Variants in MYZAP observed in about 807,000 individuals in gnomAD.
MYZAP encodes the protein myocardial zonula adherens protein.
A neutral mutation model predicts 69.4 loss-of-function variants in MYZAP; 66 were observed. The ratio of observed to expected loss-of-function variants is 0.95; its 90% confidence interval spans 0.78 to 1.17. The LOEUF (loss-of-function observed/expected upper bound fraction) is 1.17, where lower values mean the gene tolerates loss of function less well. Among genes scored for constraint, MYZAP ranks in the 50% most tolerant of loss-of-function variants. The probability of loss-of-function intolerance (pLI) is 0.00; values close to 1 mark genes in which losing one functional copy is unlikely to be tolerated. For synonymous variants in MYZAP, 256 were observed against 205.9 expected (o/e 1.24, Z -2.09); for missense variants, 611 against 556.2 (o/e 1.10, Z -0.99).
chr15:57,641,351 G>A (rs1308416604), intron 10 of MYZAP, among the ~76,000 whole-genome samples: 4 of 152,036 alleles, frequency 2.6e-5, no homozygotes, highest in East Asian at 1.9e-4. Flanking sequence ...AGAGAGTGAA[G>A]GAGTACACAT....
At chr15:57,649,218 T>C (rs28482081) in intron 10 of MYZAP, among the ~76,000 whole-genome samples, 12,026 of 152,218 alleles carry the variant, frequency 0.079, 1,270 homozygotes, top group African/African-American at 0.24. Flanking sequence ...CTAGGAAGTA[T>C]ACGTAAAGGA....
intron 1 of MYZAP, chr15:57,599,327 G>C (rs1411804906): frequency 2.5e-6 from 1 of 392,764 alleles, no homozygotes; most frequent in Non-Finnish European, 3.6e-6. Context: ...TATATTTCTA[G>C]ATTATGTACT....
At chr15:57,599,180 G>C (rs1054938732) in intron 1 of MYZAP, among the ~76,000 whole-genome samples, 21 of 152,120 alleles carry the variant, frequency 1.4e-4, no homozygotes, top group Non-Finnish European at 2.4e-4. Flanking sequence ...CTTTCCAAAG[G>C]TCTCAAAGCT....
chr15:57,614,455 G>T (rs79865155), intron 2 of MYZAP, among the ~76,000 whole-genome samples: 1 of 152,208 alleles, frequency 6.6e-6, no homozygotes, highest in Non-Finnish European at 1.5e-5. Context: ...AAGACCTCAG[G>T]GGTCTGAAGG....
In MYZAP at chr15:57,674,984, G is replaced by A; in HGVS notation, c.1220G>A (p.Ser407Asn). ...CATCTCCAGAATAATGAACTACAAA[G>A]CAGGTTGGACTATTTAACAGAAACC... ...FLEGENNELQ[S>N]RLDYLTETQA... is the part of the protein sequence containing the mutation. Residue 407 changes from serine (S) to asparagine (N), a missense_variant, in exon 12 of 13, where the codon AGC becomes AAC. By Grantham distance (46) the Ser-to-Asn change is conservative (BLOSUM62 1). Transcript: ENST00000267853. The A allele has an allele frequency of 1.2e-6, 2 of 1,613,230 alleles. No individual in the cohort carries two copies. The highest frequency in any genetic ancestry group is 2.2e-5 in the East Asian group (1 of 44,830).
chr15:57,599,782 T>A, intron 1 of MYZAP: 2 of 1,040,358 alleles, frequency 1.9e-6, no homozygotes, highest in East Asian at 5.9e-5. Flanking sequence ...TGGAGGGAGG[T>A]AGACTGTACT....
intron 12 of MYZAP, among the ~76,000 whole-genome samples, chr15:57,680,967 G>A (rs1487250183): frequency 6.6e-6 from 1 of 152,166 alleles, no homozygotes; most frequent in Admixed American, 6.5e-5. Context: ...CAAATGGTTG[G>A]GTTTCAGTTT....
At chr15:57,614,119 G>A (rs1183826708) in intron 2 of MYZAP, among the ~76,000 whole-genome samples, 1 of 152,186 alleles carries the variant, frequency 6.6e-6, no homozygotes, top group Non-Finnish European at 1.5e-5. Flanking sequence ...AACATTAACT[G>A]TCTGTTCCTC....
chr15:57,622,920 A>G (rs2035904856), intron 4 of MYZAP, among the ~76,000 whole-genome samples: 1 of 152,224 alleles, frequency 6.6e-6, no homozygotes, highest in Non-Finnish European at 1.5e-5. Flanking sequence ...ACCGGGAAAA[A>G]TTATTTGTCC....
chr15:57,612,211 G>C (rs2035149946), intron 2 of MYZAP, among the ~76,000 whole-genome samples: 1 of 152,168 alleles, frequency 6.6e-6, no homozygotes, highest in Non-Finnish European at 1.5e-5. Flanking sequence ...GAAGTAAGAA[G>C]TTTTGGAAAT....
Position 57,615,522 on chromosome 15 carries a change from A to G in MYZAP, c.163-2511A>G, listed in dbSNP as rs1276138111. 3.9e-5 allele frequency among the ~76,000 whole-genome samples: 6 copies of G among 152,066 alleles called. No homozygotes were observed. The East Asian group carries it at 9.6e-4, about 24-fold the overall frequency. On this transcript the variant is annotated intron_variant, in intron 2 of 12. Coordinates refer to ENST00000267853, the MANE Select transcript of MYZAP (RefSeq NM_001018100.5). ...CCTGAGTTTTCCTGCAAGCCAGTCC[A>G]CCTCTGAAAGCCTTTGCTTTGCAGA...
At chr15:57,629,567 T>A in intron 5 of MYZAP, 135 bp from the exon 6 acceptor site, 1 of 1,233,404 alleles carries the variant, frequency 8.1e-7, no homozygotes. Context: ...CAGCACAGGG[T>A]CCCAGACTGG....
chr15:57,679,693 G>C (rs1324982571), intron 12 of MYZAP, among the ~76,000 whole-genome samples: 2 of 152,078 alleles, frequency 1.3e-5, no homozygotes, highest in African/African-American at 4.8e-5. Flanking sequence ...ACCCTCCCAT[G>C]GTAGTCCACA....
chr15:57,629,765 C>T lies in MYZAP; in HGVS notation c.589C>T (p.Gln197Ter), dbSNP rs1344890356. 6.2e-7 allele frequency: 1 copy of T among 1,613,950 alleles called. No individual in the cohort carries two copies. Among genetic ancestry groups the T allele is most frequent in the Non-Finnish European group, 8.5e-7 (1 of 1,179,960 alleles). Residue 197 changes from glutamine (Q) to a stop codon, truncating the protein, a stop_gained, in exon 6 of 13, where the codon CAG becomes TAG. Transcript: ENST00000267853. LOFTEE classifies it high-confidence loss of function. ...TAAGGATCAAATCAGAAATCTGCAG[C>T]AGACGTATGAAGCATCCATGGACAA... ...NIKDQIRNLQ[Q>*]TYEASMDKLR...
rs141182307 is a variant in MYZAP at position 57,639,645 on chromosome 15, C to T, written c.1119+100C>T. Reference sequence around the variant, plus strand: ...TTGCCCCTCCATTTCCTGTGGCTCACAAGCCGAGGTGCTCAGGCCACTGCC... The same window carrying T: ...TTGCCCCTCCATTTCCTGTGGCTCATAAGCCGAGGTGCTCAGGCCACTGCC... On this transcript the variant is annotated intron_variant, in intron 10 of 12. Transcript: ENST00000267853. 1.5e-3 allele frequency: 2,116 copies of T among 1,368,546 alleles called. 31 individuals carry two copies. In the African/African-American group the frequency reaches 0.027, roughly 18 times the overall value. 84.8% of individuals were successfully genotyped at this position (1,368,546 alleles called of 1,614,324 possible).
At chr15:57,645,998 A>G (rs2037426084) in intron 10 of MYZAP, 1 of 380,120 alleles carries the variant, frequency 2.6e-6, no homozygotes, top group Non-Finnish European at 5.0e-6. Context: ...CAACACACGA[A>G]AGTACATTTT....
chr15:57,650,359 T>A (rs2037668065), intron 10 of MYZAP, among the ~76,000 whole-genome samples: 1 of 152,158 alleles, frequency 6.6e-6, no homozygotes, highest in Admixed American at 6.6e-5. Flanking sequence ...AAGAAGAGCC[T>A]CTTATGAGCA....
At chr15:57,611,072 C>G (rs1442154867) in intron 2 of MYZAP, among the ~76,000 whole-genome samples, 3 of 152,126 alleles carry the variant, frequency 2.0e-5, no homozygotes, top group African/African-American at 7.2e-5. Context: ...AACCACACCA[C>G]CAATACTAGA....
At chr15:57,620,972 T>C (rs969451572) in intron 3 of MYZAP, among the ~76,000 whole-genome samples, 5 of 148,898 alleles carry the variant, frequency 3.4e-5, no homozygotes, top group African/African-American at 1.2e-4. Flanking sequence ...CATGTAATTA[T>C]ATATAATTTT....
Sources: allele counts gnomAD v4.1 joint callset (sites outside exome capture counted in the v4.1 genomes callset), GRCh38; gene constraint gnomAD v4.1.1; transcripts MANE v1.5; gene names NCBI Gene and HGNC (gene_info 2026-07-23, HGNC 2026-07-21).